Variants in PID1 observed in about 807,000 individuals in gnomAD.
The protein encoded by PID1 is PTB-containing, cubilin and LRP1-interacting protein.
Under a neutral mutation model 19.1 loss-of-function variants are expected in PID1, and 10 were observed. The observed-to-expected ratio is 0.52, with a 90% CI of 0.32 to 0.89. The LOEUF (loss-of-function observed/expected upper bound fraction) is 0.89. Among genes scored for constraint, PID1 ranks in the 40% least tolerant of loss-of-function variants. The pLI is 0.03. For synonymous variants in PID1, 130 were observed against 116.0 expected, an observed-to-expected ratio of 1.12 and a Z score of -0.78; for missense variants, 248 against 285.3, an observed-to-expected ratio of 0.87 and a Z score of 0.94.
intron 1 of PID1, among the ~76,000 whole-genome samples, chr2:229,172,752 C>A (rs577904796): frequency 2.0e-5 from 3 of 152,170 alleles, no homozygotes; most frequent in African/African-American, 7.2e-5. Context: ...TGTTTTGAGA[C>A]AAGAGTTTCA....
At chr2:229,191,919 A>G (rs901711762) in intron 1 of PID1, among the ~76,000 whole-genome samples, 22 of 152,204 alleles carry the variant, frequency 1.4e-4, no homozygotes, top group Admixed American at 1.4e-3. Context: ...TACATGTTAA[A>G]TGCTTAAAAA....
intron 2 of PID1, among the ~76,000 whole-genome samples, chr2:229,048,944 C>T (rs969854675): frequency 5.3e-5 from 8 of 152,074 alleles, no homozygotes; most frequent in Non-Finnish European, 1.2e-4. Flanking sequence ...TGTATATTTG[C>T]ATTTTTCTAA....
At chr2:229,064,071 T>C (rs1163458843) in intron 2 of PID1, among the ~76,000 whole-genome samples, 1 of 152,056 alleles carries the variant, frequency 6.6e-6, no homozygotes, top group African/African-American at 2.4e-5. Flanking sequence ...AGAAGAAATA[T>C]GAGTGTGTAA....
At chr2:229,135,500 A>G (rs566966126) in intron 2 of PID1, among the ~76,000 whole-genome samples, 1 of 152,342 alleles carries the variant, frequency 6.6e-6, no homozygotes, top group South Asian at 2.1e-4. Context: ...ATAGCTGTGA[A>G]GTGAGAGCTA....
At chr2:229,054,616 A>G (rs566357631) in intron 2 of PID1, among the ~76,000 whole-genome samples, 1 of 149,584 alleles carries the variant, frequency 6.7e-6, no homozygotes, top group African/African-American at 2.5e-5. Context: ...ACCCTAGAGA[A>G]CCCCTCCAGG....
intron 1 of PID1, among the ~76,000 whole-genome samples, chr2:229,268,712 C>A (rs767744179): frequency 1.3e-5 from 2 of 152,124 alleles, no homozygotes; most frequent in Non-Finnish European, 2.9e-5. Flanking sequence ...TCTCAAGTTT[C>A]CTATCCAGCA....
intron 1 of PID1, among the ~76,000 whole-genome samples, chr2:229,187,822 T>G (rs889417313): frequency 6.6e-6 from 1 of 152,148 alleles, no homozygotes; most frequent in African/African-American, 2.4e-5. Flanking sequence ...TCCCATCCCC[T>G]CTATAGAAAA....
chr2:229,261,929 G>A (rs1219406612), intron 1 of PID1, among the ~76,000 whole-genome samples: 1 of 150,678 alleles, frequency 6.6e-6, no homozygotes, highest in Non-Finnish European at 1.5e-5. Context: ...GTGAGTTCCA[G>A]AATAAGAACA....
intron 2 of PID1, among the ~76,000 whole-genome samples, chr2:229,058,069 A>G (rs977771547): frequency 6.6e-6 from 1 of 152,226 alleles, no homozygotes; most frequent in Admixed American, 6.5e-5. Context: ...GTAGAGGAGA[A>G]GCCAGAATAA....
At chr2:229,207,329 C>G (rs116095639) in intron 1 of PID1, among the ~76,000 whole-genome samples, 2 of 151,908 alleles carry the variant, frequency 1.3e-5, no homozygotes, top group African/African-American at 4.8e-5. Flanking sequence ...GGGACTGAAC[C>G]TCTCTTAGCC....
At chr2:229,097,638 A>G (rs540512896) in intron 2 of PID1, among the ~76,000 whole-genome samples, 1 of 152,196 alleles carries the variant, frequency 6.6e-6, no homozygotes, top group Non-Finnish European at 1.5e-5. Context: ...CATAATTAGG[A>G]ATAGTTCCCA....
At chr2:229,261,065 C>T (rs1690451925) in intron 1 of PID1, among the ~76,000 whole-genome samples, 1 of 152,020 alleles carries the variant, frequency 6.6e-6, no homozygotes, top group South Asian at 2.1e-4. Context: ...TAGAGACACA[C>T]ACACAGGAAG....
chr2:229,229,744 C>T (rs1301681086), intron 1 of PID1, among the ~76,000 whole-genome samples: 2 of 152,238 alleles, frequency 1.3e-5, no homozygotes, highest in African/African-American at 4.8e-5. Flanking sequence ...CAGAAATCCA[C>T]AGGCTTTCAG....
At chr2:229,037,064 T>C (rs1693679658) in intron 2 of PID1, among the ~76,000 whole-genome samples, 1 of 151,892 alleles carries the variant, frequency 6.6e-6, no homozygotes, top group African/African-American at 2.4e-5. Flanking sequence ...TTTTATAAAG[T>C]ACACAATCTC....
rs1447070324 is a variant in PID1 at position 229,097,801 on chromosome 2, A to G, written c.177+58017T>C. On this transcript the variant is annotated intron_variant, in intron 2 of 2. Transcript: ENST00000392055. ...TTTTCCCAAAATGATAATGAATAGG[A>G]CTTGCACTGAAGCCACAATACTCTG... Among the ~76,000 whole-genome samples the G allele has an allele frequency of 2.0e-5, 3 of 152,272 alleles. No homozygotes were observed. In the East Asian group the frequency reaches 5.8e-4, roughly 29 times the overall value.
chr2:229,116,386 T>C (rs1412281953), intron 2 of PID1, among the ~76,000 whole-genome samples: 1 of 152,168 alleles, frequency 6.6e-6, no homozygotes, highest in Admixed American at 6.5e-5. Flanking sequence ...CACTTCATCC[T>C]GCCCACGCAC....
chr2:229,119,883 A>G (rs1162190621), intron 2 of PID1, among the ~76,000 whole-genome samples: 1 of 152,106 alleles, frequency 6.6e-6, no homozygotes, highest in Non-Finnish European at 1.5e-5. Context: ...GGAAGGTTGG[A>G]TTCCCACTCC....
chr2:229,262,912 A>G (rs1407482336), intron 1 of PID1: 3 of 1,484,652 alleles, frequency 2.0e-6, no homozygotes, highest in African/African-American at 2.8e-5. Context: ...GACATTAGTC[A>G]TTGGCTCTAG....
chr2:229,166,876 C>A (rs138208366), intron 1 of PID1, among the ~76,000 whole-genome samples: 1 of 150,980 alleles, frequency 6.6e-6, no homozygotes, highest in Non-Finnish European at 1.5e-5. Flanking sequence ...CAACATTAGA[C>A]AATTTCAGTA....
Sources: allele counts gnomAD v4.1 joint callset (sites outside exome capture counted in the v4.1 genomes callset), GRCh38; gene constraint gnomAD v4.1.1; transcripts MANE v1.5; gene names NCBI Gene and HGNC (gene_info 2026-07-23, HGNC 2026-07-21).